NELL1: variants seen among roughly 807,000 people sequenced by gnomAD.
NELL1 encodes protein kinase C-binding protein NELL1.
In NELL1, 76 loss-of-function variants were observed where a neutral mutation model predicts 107.4. The observed-to-expected ratio is 0.71, with a 90% CI of 0.59 to 0.86. NELL1 has a LOEUF of 0.86. NELL1 is among the 40% of genes least tolerant of loss of function. NELL1 has a pLI of 0.00. For missense variants in NELL1, 1,024 were observed against 1,005.5 expected (o/e 1.02, Z -0.25); for synonymous variants, 353 against 341.2 (o/e 1.03, Z -0.38).
intron 14 of NELL1, chr11:21,260,745 G>A (rs1336532411): frequency 6.6e-6 from 1 of 151,594 alleles, no homozygotes; most frequent in African/African-American, 2.4e-5. Flanking sequence ...CTTTTTTCTT[G>A]GCATACTGAA....
At chr11:20,761,014 G>GT (rs1437438837) in intron 2 of NELL1, among the ~76,000 whole-genome samples, 14 of 152,142 alleles carry the variant, frequency 9.2e-5, no homozygotes, top group African/African-American at 3.4e-4. Context: ...TTTTTCATGA[G>GT]TGTTCAAGCT....
intron 13 of NELL1, among the ~76,000 whole-genome samples, chr11:21,203,526 T>G (rs1316387123): frequency 6.6e-6 from 1 of 151,334 alleles, no homozygotes; most frequent in Non-Finnish European, 1.5e-5. Flanking sequence ...ATGTGATGGG[T>G]CTCCTGAATA....
intron 16 of NELL1, among the ~76,000 whole-genome samples, chr11:21,547,176 T>C (rs1360033784): frequency 6.6e-6 from 1 of 151,950 alleles, no homozygotes; most frequent in African/African-American, 2.4e-5. Context: ...GATGGCAATG[T>C]ATATGGTAAT....
intron 2 of NELL1, among the ~76,000 whole-genome samples, chr11:20,698,122 T>C (rs1485683710): frequency 6.6e-6 from 1 of 152,210 alleles, no homozygotes; most frequent in Non-Finnish European, 1.5e-5. Flanking sequence ...TTTAATCAAT[T>C]AGCCGAGTGA....
chr11:20,934,219 T>A (rs1590433149), intron 9 of NELL1, among the ~76,000 whole-genome samples: 1 of 151,894 alleles, frequency 6.6e-6, no homozygotes, highest in Non-Finnish European at 1.5e-5. Context: ...TGAGGATGAG[T>A]ATGAGAAAGC....
intron 14 of NELL1, among the ~76,000 whole-genome samples, chr11:21,313,374 T>A (rs1339201017): frequency 6.6e-6 from 1 of 152,148 alleles, no homozygotes; most frequent in African/African-American, 2.4e-5. Flanking sequence ...CTGATTGGGA[T>A]CTTTTAGGCT....
At chr11:20,960,294 T>A in intron 11 of NELL1, 138 bp from the exon 12 acceptor site, 1 of 863,222 alleles carries the variant, frequency 1.2e-6, no homozygotes. Flanking sequence ...GCCACTTTCC[T>A]ATCCAGTTTA....
At chr11:20,937,463 C>T (rs1850750651) in intron 9 of NELL1, among the ~76,000 whole-genome samples, 1 of 152,208 alleles carries the variant, frequency 6.6e-6, no homozygotes, top group Non-Finnish European at 1.5e-5. Flanking sequence ...GCTAACTGTA[C>T]TCCACAGCGA....
chr11:20,871,086 T>C (rs950810271), intron 4 of NELL1, among the ~76,000 whole-genome samples: 1 of 152,200 alleles, frequency 6.6e-6, no homozygotes, highest in Non-Finnish European at 1.5e-5. Context: ...CCTTCTTCAC[T>C]TTTTGTTTTT....
At chr11:21,051,023 G>A (rs528306702) in intron 12 of NELL1, among the ~76,000 whole-genome samples, 4 of 152,194 alleles carry the variant, frequency 2.6e-5, no homozygotes, top group African/African-American at 7.2e-5. Flanking sequence ...CCCAATGCTC[G>A]AAACCCGGTG....
At chr11:21,517,865 G>T (rs148901900) in intron 15 of NELL1, among the ~76,000 whole-genome samples, 1 of 152,194 alleles carries the variant, frequency 6.6e-6, no homozygotes, top group East Asian at 1.9e-4. Flanking sequence ...AGTGAGAAAT[G>T]ATTCAGTCCC....
chr11:21,505,155 C>T (rs184672612), intron 15 of NELL1, among the ~76,000 whole-genome samples: 1 of 152,194 alleles, frequency 6.6e-6, no homozygotes, highest in Non-Finnish European at 1.5e-5. Flanking sequence ...AATTATGAAT[C>T]CAATTTGGCA....
intron 12 of NELL1, among the ~76,000 whole-genome samples, chr11:21,089,472 G>T (rs2133686051): frequency 6.6e-6 from 1 of 152,304 alleles, no homozygotes; most frequent in East Asian, 1.9e-4. Context: ...GGACAGCAAT[G>T]GTGGGCTATA....
chr11:21,079,138 G>A (rs1334665017), intron 12 of NELL1, among the ~76,000 whole-genome samples: 2 of 151,630 alleles, frequency 1.3e-5, no homozygotes, highest in African/African-American at 4.8e-5. Context: ...AGAATTCAAG[G>A]GAAAAAACCT....
intron 14 of NELL1, among the ~76,000 whole-genome samples, chr11:21,329,547 A>G (rs565976035): frequency 2.0e-5 from 3 of 152,294 alleles, no homozygotes; most frequent in Non-Finnish European, 4.4e-5. Flanking sequence ...ATAGTTAAAT[A>G]TTGTAATAGC....
chr11:21,233,410 C>T (rs1423403268), intron 14 of NELL1, among the ~76,000 whole-genome samples: 1 of 152,050 alleles, frequency 6.6e-6, no homozygotes, highest in East Asian at 1.9e-4. Flanking sequence ...CTTTGTCCTC[C>T]TCCTTTTCCT....
rs114074326 is a variant in NELL1 at position 21,173,119 on chromosome 11, G to C, written c.1427-56213G>C. ...TCCCTATGCATTTCAATTTCAACTG[G>C]ACTTGCAAAAATTTGATTTACCTAC... On this transcript the variant is annotated intron_variant, in intron 13 of 19. Transcript: ENST00000357134. Among the ~76,000 whole-genome samples the C allele has an allele frequency of 8.7e-3, 1,317 of 151,786 alleles. 50 individuals are homozygous for C. The highest frequency in any genetic ancestry group is 0.03 in the African/African-American group (1,220 of 41,166).
chr11:21,151,096 G>A (rs957021713), intron 13 of NELL1, among the ~76,000 whole-genome samples: 7 of 152,090 alleles, frequency 4.6e-5, no homozygotes, highest in Admixed American at 1.3e-4. Flanking sequence ...CTTCAAGACT[G>A]AAGATCATAA....
intron 12 of NELL1, among the ~76,000 whole-genome samples, chr11:21,050,032 A>C (rs1853453915): frequency 6.6e-6 from 1 of 152,186 alleles, no homozygotes; most frequent in African/African-American, 2.4e-5. Context: ...CTGATGCCAC[A>C]AGCAAACGCA....
Sources: allele counts gnomAD v4.1 joint callset (sites outside exome capture counted in the v4.1 genomes callset), GRCh38; gene constraint gnomAD v4.1.1; transcripts MANE v1.5; gene names NCBI Gene and HGNC (gene_info 2026-07-23, HGNC 2026-07-21).